The following NT5E variants were observed in gnomAD, a reference collection of about 807,000 sequenced individuals.
NT5E encodes the protein 5'-nucleotidase.
In NT5E, 53 loss-of-function variants were observed where a neutral mutation model predicts 55.1. The observed-to-expected ratio is 0.96, with a 90% CI of 0.77 to 1.21. The LOEUF is 1.21. NT5E is among the 50% of genes most tolerant of loss of function. The pLI is 0.00. For missense variants in NT5E, 683 were observed against 724.3 expected (o/e 0.94, Z 0.65); for synonymous variants, 270 against 278.4 (o/e 0.97, Z 0.30).
chr6:85,461,362 T>C (rs572557261), intron 1 of NT5E, among the ~76,000 whole-genome samples: 14 of 152,328 alleles, frequency 9.2e-5, no homozygotes, highest in African/African-American at 2.4e-4. Context: ...TAGTAAAGAC[T>C]TCTGTTTTGA....
intron 7 of NT5E, 133 bp downstream of exon 7, chr6:85,490,790 C>T: frequency 1.1e-6 from 1 of 942,914 alleles, no homozygotes; most frequent in South Asian, 1.4e-5. Flanking sequence ...ACACCAATAC[C>T]TTACCCTTTA....
chr6:85,493,027 C>T (rs1769819433), intron 8 of NT5E, among the ~76,000 whole-genome samples: 1 of 152,148 alleles, frequency 6.6e-6, no homozygotes, highest in African/African-American at 2.4e-5. Flanking sequence ...CCCCATGAGA[C>T]AAAGAGGCTG....
At chr6:85,491,206 G>C (rs1769775502) in intron 7 of NT5E, 1 of 417,514 alleles carries the variant, frequency 2.4e-6, no homozygotes, top group Admixed American at 3.3e-5. Context: ...ATGGACTGCA[G>C]TGAAAGTTGA....
At chr6:85,467,399 G>A (rs1432279661) in intron 2 of NT5E, 117 bp downstream of exon 2, 1 of 808,518 alleles carries the variant, frequency 1.2e-6, no homozygotes, top group Non-Finnish European at 2.1e-6. Flanking sequence ...TAGTGCACTA[G>A]AATAACACTG....
chr6:85,464,472 C>T (rs958983313), intron 1 of NT5E, among the ~76,000 whole-genome samples: 3 of 152,052 alleles, frequency 2.0e-5, no homozygotes, highest in Admixed American at 6.6e-5. Context: ...CGGACGGAGC[C>T]TGGGAGGGAG....
At position 85,493,234 on chromosome 6, in the gene NT5E, G is replaced by A. The variant is rs538420917; in HGVS notation, c.1562-607G>A. Among the ~76,000 whole-genome samples the A allele has an allele frequency of 3.3e-5, 5 of 152,268 alleles. No individual in the cohort carries two copies. The South Asian group carries it at 1.0e-3, about 32-fold the overall frequency. On this transcript the variant is annotated intron_variant, in intron 8 of 8. Coordinates refer to ENST00000257770, the MANE Select transcript of NT5E (RefSeq NM_002526.4). ...AGAGATTCTAAGTTAACTGGATTGG[G>A]GCTAAACTCTTTTTCAGTGATTCTA...
Position 85,469,628 on chromosome 6 carries a change from G to A in NT5E, c.563-1609G>A, listed in dbSNP as rs565749886. Among the ~76,000 whole-genome samples, 6 of 152,280 alleles carry A rather than the reference G, an allele frequency of 3.9e-5. No homozygotes were observed. The East Asian group carries it at 7.7e-4, about 20-fold the overall frequency. On this transcript the variant is annotated intron_variant, in intron 2 of 8. Transcript: ENST00000257770. ...AGGCAACATAGCACTGAGGGTCAAC[G>A]GGGAGCCCTGGGCTTCTTGGGGCAA...
intron 1 of NT5E, among the ~76,000 whole-genome samples, chr6:85,452,649 G>C (rs1210480296): frequency 6.6e-6 from 1 of 152,098 alleles, no homozygotes; most frequent in Non-Finnish European, 1.5e-5. Flanking sequence ...GCAGTTTGGG[G>C]GTGTGTCAAA....
At chr6:85,491,385 G>A (rs1282142869) in intron 7 of NT5E, 2 of 322,570 alleles carry the variant, frequency 6.2e-6, no homozygotes, top group Non-Finnish European at 1.2e-5. Flanking sequence ...AGATAGAATT[G>A]CTTTCCTGAG....
At chr6:85,464,352 GTGC>G (rs1403353418) in intron 1 of NT5E, among the ~76,000 whole-genome samples, 4 of 152,162 alleles carry the variant, frequency 2.6e-5, no homozygotes, top group Non-Finnish European at 5.9e-5. Context: ...CATGTGGCAA[GTGC>G]TGACTCAATA....
Position 85,450,225 on chromosome 6 carries a change from T to C in NT5E, c.86T>C (p.Leu29Pro). 1.9e-6 allele frequency: 3 copies of C among 1,609,466 alleles called. No individual in the cohort carries two copies. Among genetic ancestry groups the C allele is most frequent in the Non-Finnish European group, 1.7e-6 (2 of 1,179,012 alleles). ...TGGCCTGCGGCTGGCGCCTGGGAGC[T>C]TACGATTTTGCACACCAACGACGTG... ...VLWPAAGAWELTILHTNDVHS... is the reference protein window; with the variant it reads ...VLWPAAGAWEPTILHTNDVHS... Residue 29 changes from leucine (L) to proline (P), a missense_variant, in exon 1 of 9, where the codon CTT (leucine) becomes CCT (proline). Physicochemically the swap from Leu to Pro is moderately conservative, Grantham distance 98. Transcript: ENST00000257770. The surrounding 1 kb of genome is among the most constrained non-coding windows in gnomAD (Gnocchi z 4.0).
intron 3 of NT5E, among the ~76,000 whole-genome samples, chr6:85,479,335 T>G (rs1318025047): frequency 1.3e-5 from 2 of 152,204 alleles, no homozygotes; most frequent in Non-Finnish European, 2.9e-5. Context: ...TCAGTATATG[T>G]TTCCCCCAGG....
intron 1 of NT5E, among the ~76,000 whole-genome samples, chr6:85,455,581 T>C (rs904080476): frequency 1.1e-4 from 17 of 152,224 alleles, no homozygotes; most frequent in African/African-American, 3.9e-4. Flanking sequence ...ATAGCCTTTA[T>C]AATAAACCAA....
intron 2 of NT5E, among the ~76,000 whole-genome samples, chr6:85,469,560 C>A (rs1037487711): frequency 1.3e-5 from 2 of 152,124 alleles, no homozygotes; most frequent in Non-Finnish European, 2.9e-5. Flanking sequence ...GGAAGGTATA[C>A]CTTGTTGTTT....
In NT5E at chr6:85,492,074, T is replaced by C; in HGVS notation, c.1458T>C (p.Pro486=). 6.2e-7 allele frequency: 1 copy of C among 1,614,154 alleles called. No homozygotes were observed. Among genetic ancestry groups the C allele is most frequent in the Non-Finnish European group, 8.5e-7 (1 of 1,179,986 alleles). Residue 486 remains proline (P), a synonymous_variant, in exon 8 of 9, where the codon CCT becomes CCC. Transcript: ENST00000257770. Reference sequence around the variant, plus strand: ...AGTGTCGAGTGCCCAGTTATGACCCTCTCAAAATGGACGAGGTATATAAGG... The same window carrying C: ...AGTGTCGAGTGCCCAGTTATGACCCCCTCAAAATGGACGAGGTATATAAGG... ...CTKCRVPSYD[P]LKMDEVYKVI...
At chr6:85,483,623 A>G (rs1310464499) in intron 3 of NT5E, among the ~76,000 whole-genome samples, 1 of 152,184 alleles carries the variant, frequency 6.6e-6, no homozygotes, top group Non-Finnish European at 1.5e-5. Context: ...TACTATTGGC[A>G]ACAACTATTT....
At position 85,489,539 on chromosome 6, in the gene NT5E, G is replaced by A. The variant is rs375139069; in HGVS notation, c.1150G>A (p.Val384Ile). 2.0e-5 allele frequency: 33 copies of A among 1,613,794 alleles called. No individual in the cohort carries two copies. The highest frequency in any genetic ancestry group is 3.3e-5 in the Admixed American group (2 of 59,998). The part of the protein sequence containing the change: ...RHTDEMFWNH[V>I]SMCILNGGGI... ...CACGGATGAAATGTTCTGGAACCAC[G>A]TATCCATGTGCATTTTAAATGGAGG... Residue 384 changes from valine to isoleucine, a missense_variant, in exon 6 of 9, where the codon GTA becomes ATA. Val to Ile is a conservative substitution (Grantham distance 29). Coordinates refer to ENST00000257770, the MANE Select transcript of NT5E (RefSeq NM_002526.4).
chr6:85,489,519 A>T lies in NT5E; in HGVS notation c.1130A>T (p.Asp377Val). Residue 377 changes from aspartate (D) to valine (V), a missense_variant, in exon 6 of 9, where the codon GAT (aspartate) becomes GTT (valine). Asp to Val is a radical substitution (Grantham distance 152). Transcript: ENST00000257770. ...AMINNNLRHT[D>V]EMFWNHVSMC... The stretch of plus-strand genomic sequence containing the variant: ...ATTAACAACAACCTGAGACACACGG[A>T]TGAAATGTTCTGGAACCACGTATCC... 6.2e-7 allele frequency: 1 copy of T among 1,613,858 alleles called. No homozygotes were observed. The highest frequency in any genetic ancestry group is 8.5e-7 in the Non-Finnish European group (1 of 1,179,816).
chr6:85,466,992 G>A, intron 1 of NT5E, 68 bp from the exon 2 acceptor site: 1 of 1,433,764 alleles, frequency 7.0e-7, no homozygotes, highest in Admixed American at 1.8e-5. Flanking sequence ...AGTCAGTTTT[G>A]AGAAATACTG....
Sources: gnomAD v4.1 joint callset for allele counts (sites outside exome capture counted in the v4.1 genomes callset) on GRCh38, gnomAD v4.1.1 for gene constraint, Gnocchi (gnomAD v3.1) non-coding constraint, MANE v1.5 for transcripts, NCBI Gene and HGNC (gene_info 2026-07-23, HGNC 2026-07-21) for gene names.